Variants in DCC observed in about 807,000 individuals in gnomAD.
DCC encodes the protein netrin receptor DCC.
A neutral mutation model predicts 172.5 loss-of-function variants in DCC; 58 were observed. The observed-to-expected ratio is 0.34, with a 90% confidence interval of 0.27 to 0.42. DCC has a LOEUF of 0.42. Among genes scored for constraint, DCC ranks in the 10% least tolerant of loss-of-function variants. The pLI is 1.00. For synonymous variants in DCC, 709 were observed against 644.5 expected, an observed-to-expected ratio of 1.10 and a Z score of -1.52; for missense variants, 1,740 against 1,791.0, an observed-to-expected ratio of 0.97 and a Z score of 0.51.
rs574067234 is a variant in DCC, at chr18:52,963,113, T to A, written c.985+37743T>A. ...ACTTAAATTATAATTATAATAAAAT[T>A]AAAAAAATAAAAAAAAGTGAATTAA... On this transcript the variant is annotated intron_variant, in intron 5 of 28. Coordinates refer to ENST00000442544, the MANE Select transcript of DCC (RefSeq NM_005215.4). Among the ~76,000 whole-genome samples the A allele has an allele frequency of 4.0e-5, 6 of 151,336 alleles. No homozygotes were observed. In the South Asian group the frequency reaches 8.3e-4, roughly 21 times the overall value.
Position 52,367,051 on chromosome 18 carries a change from G to A in DCC, c.91+26173G>A, listed in dbSNP as rs375395452. 2.8e-4 allele frequency among the ~76,000 whole-genome samples: 42 copies of A among 152,334 alleles called. No homozygotes were observed. In the East Asian group the frequency reaches 7.3e-3, roughly 27 times the overall value. ...CTACAGGTCCCGAGCCCTGCCCCGC[G>A]GGAAGGCAGCTAAGGCACGGTGAGA... On this transcript the variant is annotated intron_variant, in intron 1 of 28. Coordinates refer to ENST00000442544, the MANE Select transcript of DCC (RefSeq NM_005215.4).
At chr18:53,378,699 A>T (rs1033568865) in intron 15 of DCC, among the ~76,000 whole-genome samples, 6 of 152,198 alleles carry the variant, frequency 3.9e-5, no homozygotes, top group Non-Finnish European at 8.8e-5. Flanking sequence ...CTCACTAAGC[A>T]TGTTTTGACC....
intron 9 of DCC, among the ~76,000 whole-genome samples, chr18:53,182,609 T>C (rs1329307284): frequency 6.6e-6 from 1 of 152,196 alleles, no homozygotes; most frequent in East Asian, 1.9e-4. Flanking sequence ...TAAATTATAT[T>C]ATCATGAGTG....
intron 12 of DCC, among the ~76,000 whole-genome samples, chr18:53,248,883 T>G (rs1046663502): frequency 5.3e-5 from 8 of 152,028 alleles, no homozygotes; most frequent in East Asian, 1.9e-4. Context: ...TCTAAATAAT[T>G]CAATTACATT....
chr18:53,303,601 C>T (rs1041408593), intron 12 of DCC, among the ~76,000 whole-genome samples: 3 of 152,120 alleles, frequency 2.0e-5, no homozygotes, highest in Non-Finnish European at 2.9e-5. Flanking sequence ...TATGTGACAC[C>T]GGTGTGGCCT....
intron 1 of DCC, among the ~76,000 whole-genome samples, chr18:52,638,465 A>G (rs554561805): frequency 6.6e-6 from 1 of 152,250 alleles, no homozygotes; most frequent in South Asian, 2.1e-4. Context: ...GCACATAAGG[A>G]CTCACATAAA....
chr18:52,734,862 T>C (rs1325433942), intron 1 of DCC, among the ~76,000 whole-genome samples: 1 of 152,176 alleles, frequency 6.6e-6, no homozygotes, highest in Non-Finnish European at 1.5e-5. Flanking sequence ...TAGGCATAGT[T>C]CTTAACTTTG....
intron 1 of DCC, among the ~76,000 whole-genome samples, chr18:52,482,037 C>T (rs759310913): frequency 1.6e-4 from 24 of 151,968 alleles, no homozygotes; most frequent in Admixed American, 3.9e-4. Flanking sequence ...TCAGGGATTT[C>T]GTTTTATCAA....
At chr18:53,150,426 A>G (rs929482411) in intron 7 of DCC, among the ~76,000 whole-genome samples, 4 of 152,234 alleles carry the variant, frequency 2.6e-5, no homozygotes, top group East Asian at 1.9e-4. Context: ...TACCTGTGAT[A>G]TGGCTAACAT....
chr18:53,321,844 C>A (rs1391756856), intron 13 of DCC, among the ~76,000 whole-genome samples: 1 of 152,134 alleles, frequency 6.6e-6, no homozygotes, highest in East Asian at 1.9e-4. Flanking sequence ...TGGAAAAAAA[C>A]TCATAAGAAT....
At chr18:53,117,600 C>A (rs1243526414) in intron 7 of DCC, among the ~76,000 whole-genome samples, 6 of 151,748 alleles carry the variant, frequency 4.0e-5, no homozygotes, top group Non-Finnish European at 4.4e-5. Flanking sequence ...AACCTTTGCA[C>A]TAAACCTGAA....
intron 12 of DCC, among the ~76,000 whole-genome samples, chr18:53,221,131 C>T (rs976729643): frequency 1.3e-5 from 2 of 151,902 alleles, no homozygotes; most frequent in Non-Finnish European, 2.9e-5. Flanking sequence ...GGTGAAACAA[C>T]TTTATATAAA....
intron 7 of DCC, among the ~76,000 whole-genome samples, chr18:53,115,050 A>G (rs1407598299): frequency 6.6e-6 from 1 of 151,474 alleles, no homozygotes; most frequent in Non-Finnish European, 1.5e-5. Flanking sequence ...AGGCCTTCCA[A>G]TTTTCAGGTT....
At chr18:52,797,365 T>C (rs925636731) in intron 2 of DCC, among the ~76,000 whole-genome samples, 4 of 152,248 alleles carry the variant, frequency 2.6e-5, no homozygotes, top group Admixed American at 2.6e-4. Flanking sequence ...ACATCTGGTG[T>C]AATAGCTGCT....
chr18:52,935,289 G>A (rs915468856), intron 5 of DCC, among the ~76,000 whole-genome samples: 8 of 151,934 alleles, frequency 5.3e-5, no homozygotes, highest in South Asian at 2.1e-4. Context: ...ATTTTTGTTC[G>A]CTATCATCCC....
intron 1 of DCC, among the ~76,000 whole-genome samples, chr18:52,591,730 TC>T (rs796317464): frequency 5.3e-5 from 8 of 151,830 alleles, no homozygotes; most frequent in African/African-American, 1.9e-4. Flanking sequence ...CTACAGGCAC[TC>T]ATCACCATGC....
At chr18:53,217,632 TG>T (rs2055874584) in intron 12 of DCC, among the ~76,000 whole-genome samples, 1 of 152,158 alleles carries the variant, frequency 6.6e-6, no homozygotes, top group African/African-American at 2.4e-5. Flanking sequence ...CACCACTTTT[TG>T]CATTCTCAGT....
intron 12 of DCC, among the ~76,000 whole-genome samples, chr18:53,218,784 T>A (rs1273837201): frequency 6.6e-6 from 1 of 152,160 alleles, no homozygotes; most frequent in African/African-American, 2.4e-5. Flanking sequence ...AAGAATAATT[T>A]CCTTAAGAAT....
chr18:52,340,919 G>C (rs1305016090), intron 1 of DCC, 41 bp downstream of exon 1: 1 of 1,410,438 alleles, frequency 7.1e-7, no homozygotes, highest in African/African-American at 1.4e-5. Context: ...ACCCCCTTCC[G>C]TACCCCACTT....
Sources: allele counts gnomAD v4.1 joint callset (sites outside exome capture counted in the v4.1 genomes callset), GRCh38; gene constraint gnomAD v4.1.1; transcripts MANE v1.5; gene names NCBI Gene and HGNC (gene_info 2026-07-23, HGNC 2026-07-21).